ROBO2: variants seen among roughly 807,000 people sequenced by gnomAD.
ROBO2 encodes roundabout guidance receptor 2.
In ROBO2, 53 loss-of-function variants were observed where a neutral mutation model predicts 160.8. The ratio of observed to expected loss-of-function variants is 0.33; its 90% confidence interval spans 0.26 to 0.41. ROBO2 has a LOEUF of 0.41. Ranked by LOEUF, ROBO2 falls within the 10% of genes least tolerant of loss-of-function variation. ROBO2 has a pLI of 1.00. For synonymous variants in ROBO2, 664 were observed against 611.7 expected (o/e 1.09, Z -1.26); for missense variants, 1,577 against 1,722.4 (o/e 0.92, Z 1.49).
At chr3:75,968,172 A>G (rs1434067939) in intron 2 of ROBO2, among the ~76,000 whole-genome samples, 3 of 151,528 alleles carry the variant, frequency 2.0e-5, no homozygotes, top group Non-Finnish European at 4.4e-5. Context: ...TTCTGTTTGT[A>G]TTTCATATGT....
At chr3:77,290,150 G>A (rs549620184) in intron 2 of ROBO2, among the ~76,000 whole-genome samples, 6 of 151,602 alleles carry the variant, frequency 4.0e-5, no homozygotes, top group Non-Finnish European at 7.4e-5. Flanking sequence ...GGTTAAACGG[G>A]TAAGCTGAGG....
intron 2 of ROBO2, among the ~76,000 whole-genome samples, chr3:76,732,313 G>T (rs1390628705): frequency 6.6e-6 from 1 of 152,100 alleles, no homozygotes; most frequent in Non-Finnish European, 1.5e-5. Context: ...ATAAATTGAA[G>T]TACATTTTGA....
chr3:77,253,521 A>G (rs1266634712), intron 2 of ROBO2, among the ~76,000 whole-genome samples: 1 of 152,208 alleles, frequency 6.6e-6, no homozygotes, highest in Non-Finnish European at 1.5e-5. Flanking sequence ...TTCTTAATCT[A>G]TTATGAGGTG....
chr3:77,292,555 T>A (rs916587661), intron 2 of ROBO2, among the ~76,000 whole-genome samples: 4 of 151,164 alleles, frequency 2.6e-5, no homozygotes, highest in African/African-American at 9.7e-5. Context: ...ACCCAAGACA[T>A]AAAGTAAAAT....
chr3:77,350,074 T>A (rs1291658565), intron 2 of ROBO2, among the ~76,000 whole-genome samples: 3 of 150,626 alleles, frequency 2.0e-5, no homozygotes, highest in African/African-American at 7.3e-5. Flanking sequence ...TAAAAAAAAA[T>A]ATATATATGT....
chr3:76,823,591 A>G lies in ROBO2; in HGVS notation c.110-274423A>G, dbSNP rs566800578. Among the ~76,000 whole-genome samples, 4 of 152,322 alleles carry G rather than the reference A, an allele frequency of 2.6e-5. No homozygotes were observed. In the South Asian group the frequency reaches 8.3e-4, roughly 32 times the overall value. On this transcript the variant is annotated intron_variant, in intron 2 of 26. Coordinates refer to the ROBO2 transcript ENST00000487694. ...AGATTGCTTCAAATCAGGCCAGTCA[A>G]CAAAAGAATTATGAGTGCGATGAGC...
At chr3:76,728,023 T>C (rs555452967) in intron 2 of ROBO2, among the ~76,000 whole-genome samples, 21 of 152,194 alleles carry the variant, frequency 1.4e-4, no homozygotes, top group Non-Finnish European at 2.2e-4. Context: ...TGTATAGATA[T>C]GTACAAATAT....
chr3:77,150,168 C>T (rs750041710), intron 2 of ROBO2, among the ~76,000 whole-genome samples: 1 of 152,074 alleles, frequency 6.6e-6, no homozygotes, highest in Non-Finnish European at 1.5e-5. Context: ...CTCAAAACTC[C>T]CCTGCTGGGC....
At chr3:76,095,255 GA>G (rs903703017) in intron 2 of ROBO2, among the ~76,000 whole-genome samples, 15 of 151,342 alleles carry the variant, frequency 9.9e-5, no homozygotes, top group East Asian at 3.9e-4. Flanking sequence ...AGACTTAATA[GA>G]AAAAAAACCT....
intron 2 of ROBO2, among the ~76,000 whole-genome samples, chr3:76,343,917 G>A (rs1576557052): frequency 6.6e-6 from 1 of 152,140 alleles, no homozygotes; most frequent in Non-Finnish European, 1.5e-5. Flanking sequence ...TGATCTTGAT[G>A]TGTCCAAAGA....
chr3:77,592,025 A>G (rs1267405492), intron 17 of ROBO2, among the ~76,000 whole-genome samples: 1 of 152,208 alleles, frequency 6.6e-6, no homozygotes, highest in Non-Finnish European at 1.5e-5. Flanking sequence ...CTTTTGATCT[A>G]CTTTTCAAAA....
chr3:76,039,124 G>C (rs149320116), intron 2 of ROBO2, among the ~76,000 whole-genome samples: 16 of 152,090 alleles, frequency 1.1e-4, no homozygotes, highest in African/African-American at 2.4e-4. Context: ...CTCCACAGGT[G>C]GGGGAAGTGG....
intron 2 of ROBO2, among the ~76,000 whole-genome samples, chr3:76,261,105 T>A (rs888875989): frequency 2.0e-5 from 3 of 152,002 alleles, no homozygotes; most frequent in African/African-American, 7.2e-5. Context: ...CTGAATTTCT[T>A]AACTACAAGG....
At chr3:75,933,461 TAA>T (rs1947630804) in intron 1 of ROBO2, among the ~76,000 whole-genome samples, 1 of 151,894 alleles carries the variant, frequency 6.6e-6, no homozygotes, top group Non-Finnish European at 1.5e-5. Context: ...AGCATTTCAG[TAA>T]AGAGGACTAT....
At chr3:76,906,602 G>T (rs889437664) in intron 2 of ROBO2, among the ~76,000 whole-genome samples, 2 of 152,004 alleles carry the variant, frequency 1.3e-5, no homozygotes, top group Non-Finnish European at 2.9e-5. Context: ...AATAGATGCT[G>T]TTGTTGTTAT....
At chr3:77,219,007 C>T (rs772011901) in intron 2 of ROBO2, among the ~76,000 whole-genome samples, 10 of 152,068 alleles carry the variant, frequency 6.6e-5, no homozygotes, top group Non-Finnish European at 1.5e-4. Context: ...TTGCTCTTGT[C>T]TCCCGGGCTG....
chr3:77,452,606 A>C (rs1479293947), intron 2 of ROBO2, among the ~76,000 whole-genome samples: 1 of 152,148 alleles, frequency 6.6e-6, no homozygotes, highest in Admixed American at 6.5e-5. Flanking sequence ...TTAAGGTTAA[A>C]AAAGAAAATG....
intron 2 of ROBO2, among the ~76,000 whole-genome samples, chr3:77,223,284 T>A (rs62253271): frequency 0.029 from 4,429 of 152,236 alleles, 72 homozygotes; most frequent in Middle Eastern, 0.054. Context: ...TTTATATCAG[T>A]TAGAGCTCAA....
At chr3:77,403,980 T>G (rs2076047469) in intron 2 of ROBO2, among the ~76,000 whole-genome samples, 1 of 152,122 alleles carries the variant, frequency 6.6e-6, no homozygotes. Context: ...AGTTGGCATT[T>G]GCTGAAATAA....
Sources: allele counts gnomAD v4.1 joint callset (sites outside exome capture counted in the v4.1 genomes callset), GRCh38; gene constraint gnomAD v4.1.1; transcripts MANE v1.5; gene names NCBI Gene and HGNC (gene_info 2026-07-23, HGNC 2026-07-21).